Variants in CLEC1A observed in about 807,000 individuals in gnomAD.
CLEC1A encodes the protein C-type lectin-like receptor-1.
CLEC1A carries 34 observed loss-of-function variants against 28.7 expected under a neutral mutation model. That is an observed-to-expected ratio of 1.18 (90% CI 0.90 to 1.57). CLEC1A has a LOEUF of 1.57. CLEC1A is among the 40% of genes most tolerant of loss of function. The pLI is 0.00. For synonymous variants in CLEC1A, 116 were observed against 121.0 expected (o/e 0.96, Z 0.27); for missense variants, 385 against 339.5 (o/e 1.13, Z -1.05).
At chr12:10,076,408 A>T (rs1201190094) in intron 3 of CLEC1A, among the ~76,000 whole-genome samples, 1 of 152,206 alleles carries the variant, frequency 6.6e-6, no homozygotes, top group African/African-American at 2.4e-5. Flanking sequence ...TGGCTAATAC[A>T]CAGGTAGGTG....
In CLEC1A at chr12:10,081,312, G is replaced by T; in HGVS notation, c.316C>A (p.Gln106Lys). 6.2e-7 allele frequency: 1 copy of T among 1,613,110 alleles called. No individual in the cohort carries two copies. Among genetic ancestry groups the T allele is most frequent in the Non-Finnish European group, 8.5e-7 (1 of 1,179,542 alleles). Residue 106 changes from glutamine to lysine, a missense_variant, in exon 3 of 6, where the codon CAG becomes AAG. Gln to Lys is a moderately conservative substitution (Grantham distance 53). Transcript: ENST00000315330. ...AGACTTCCTGCAAGCTTTATATTCTGGACTTGAAGAGATTGCAACTCTTGG... is the reference window on the plus strand; with the variant it reads ...AGACTTCCTGCAAGCTTTATATTCTTGACTTGAAGAGATTGCAACTCTTGG... ...TSQELQSLQV[Q>K]NIKLAGSLQH...
chr12:10,096,556 C>G (rs903962558), intron 1 of CLEC1A, among the ~76,000 whole-genome samples: 3 of 152,114 alleles, frequency 2.0e-5, no homozygotes, highest in Non-Finnish European at 4.4e-5. Context: ...TTGTTTCTCC[C>G]TATCTAAATC....
At position 10,075,549 on chromosome 12, in the gene CLEC1A, A is replaced by C. The variant is rs1866233002; in HGVS notation, c.498T>G (p.Leu166=). ...TCTTCAGCATGGTAGAGTTTTCACT[A>C]AGGCAGAAATATTTACAGTCCTCCC... ...KSWEDCKYFC[L]SENSTMLKIN... is the part of the protein sequence containing the mutation. Residue 166 remains leucine (L), a synonymous_variant, in exon 4 of 6, where the codon CTT becomes CTG. Coordinates refer to ENST00000315330, the MANE Select transcript of CLEC1A (RefSeq NM_016511.4). 3.1e-6 allele frequency: 5 copies of C among 1,614,004 alleles called. No individual in the cohort carries two copies. Among genetic ancestry groups the C allele is most frequent in the Non-Finnish European group, 4.2e-6 (5 of 1,179,904 alleles).
At chr12:10,076,410 AG>A (rs1472272772) in intron 3 of CLEC1A, among the ~76,000 whole-genome samples, 2 of 152,182 alleles carry the variant, frequency 1.3e-5, no homozygotes, top group Non-Finnish European at 2.9e-5. Context: ...GCTAATACAC[AG>A]GTAGGTGTTA....
At chr12:10,092,626 A>ATAG (rs1947721932) in intron 1 of CLEC1A, 1 of 98,180 alleles carries the variant, frequency 1.0e-5, no homozygotes, top group Admixed American at 1.0e-4. Context: ...TATTGAGGAC[A>ATAG]TAGGAGTTGT....
chr12:10,094,188 C>T (rs1048586077), intron 1 of CLEC1A, among the ~76,000 whole-genome samples: 1 of 151,982 alleles, frequency 6.6e-6, no homozygotes, highest in African/African-American at 2.4e-5. Context: ...AATTCAAAAA[C>T]AACATTACCA....
At chr12:10,072,750 G>A (rs1866161109) in intron 5 of CLEC1A, among the ~76,000 whole-genome samples, 1 of 152,018 alleles carries the variant, frequency 6.6e-6, no homozygotes, top group South Asian at 2.1e-4. Context: ...CTAATGCTAT[G>A]TATCTGTCTC....
intron 2 of CLEC1A, among the ~76,000 whole-genome samples, chr12:10,087,142 T>C (rs544838823): frequency 2.1e-5 from 3 of 140,402 alleles, no homozygotes; most frequent in African/African-American, 8.0e-5. Flanking sequence ...GAGGCGAAGG[T>C]TGCAGTGAGC....
At chr12:10,097,157 T>C (rs1378309758) in intron 1 of CLEC1A, among the ~76,000 whole-genome samples, 4 of 152,256 alleles carry the variant, frequency 2.6e-5, no homozygotes, top group Admixed American at 2.6e-4. Flanking sequence ...ACTATCTTAA[T>C]TGTTTGGCAT....
At position 10,081,179 on chromosome 12, in the gene CLEC1A, G is replaced by A; in HGVS notation, c.391+58C>T. On this transcript the variant is annotated intron_variant, in intron 3 of 5. Transcript: ENST00000315330. ...ACTTGACTCTCACTTTCACCGGCGGGAAATCCATCTCTCTGTTTCCAGACA... is the reference window on the plus strand; with the variant it reads ...ACTTGACTCTCACTTTCACCGGCGGAAAATCCATCTCTCTGTTTCCAGACA... 2.1e-6 allele frequency: 3 copies of A among 1,409,914 alleles called. No individual in the cohort carries two copies. The South Asian group carries it at 4.4e-5, about 21-fold the overall frequency. 87.3% of individuals were successfully genotyped at this position (1,409,914 alleles called of 1,614,324 possible).
chr12:10,087,472 T>TTATATATATATATA (rs200437169), intron 2 of CLEC1A, among the ~76,000 whole-genome samples: 5 of 75,180 alleles, frequency 6.7e-5, no homozygotes, highest in Non-Finnish European at 8.7e-5. Flanking sequence ...TACCTCAAAG[T>TTATATATATATATA]TATATATATA....
intron 1 of CLEC1A, among the ~76,000 whole-genome samples, chr12:10,097,843 T>C (rs1001128958): frequency 3.0e-5 from 4 of 132,584 alleles, no homozygotes; most frequent in Non-Finnish European, 4.7e-5. Flanking sequence ...ATCCCTACTT[T>C]TGTCACTTAG....
chr12:10,073,215 A>G lies in CLEC1A; in HGVS notation c.662+78T>C, dbSNP rs985171511. The G allele has an allele frequency of 5.8e-6, 6 of 1,041,430 alleles. No homozygotes were observed. In the African/African-American group the frequency reaches 9.5e-5, roughly 17 times the overall value. The allele number at this position is 1,041,430 out of a possible 1,614,324, so 64.5% of individuals were successfully genotyped here. On this transcript the variant is annotated intron_variant, in intron 5 of 5. Transcript: ENST00000315330. ...CAGAAGTTTGATTAATACTTGATGG[A>G]CCAAATTCTTGAGCTCTATCACTCA...
At chr12:10,083,672 C>G (rs1835969631) in intron 2 of CLEC1A, among the ~76,000 whole-genome samples, 1 of 152,086 alleles carries the variant, frequency 6.6e-6, no homozygotes, top group Admixed American at 6.5e-5. Flanking sequence ...GGGGTTTCAC[C>G]ATGTTGGCCA....
intron 1 of CLEC1A, among the ~76,000 whole-genome samples, chr12:10,091,586 T>C (rs1301769694): frequency 6.6e-6 from 1 of 152,102 alleles, no homozygotes; most frequent in African/African-American, 2.4e-5. Context: ...TGATTTAGTC[T>C]TAGTTTTTCT....
chr12:10,094,822 T>C (rs1947755002), intron 1 of CLEC1A, among the ~76,000 whole-genome samples: 1 of 152,150 alleles, frequency 6.6e-6, no homozygotes, highest in African/African-American at 2.4e-5. Flanking sequence ...TAGGAAGAAG[T>C]TTCCCAAGGC....
chr12:10,085,686 CT>C (rs1281603547), intron 2 of CLEC1A, among the ~76,000 whole-genome samples: 2 of 151,952 alleles, frequency 1.3e-5, no homozygotes, highest in African/African-American at 2.4e-5. Flanking sequence ...ACTACTAGAC[CT>C]AAAAAAATGA....
intron 1 of CLEC1A, among the ~76,000 whole-genome samples, chr12:10,096,517 C>A (rs933928491): frequency 6.6e-6 from 1 of 152,112 alleles, no homozygotes; most frequent in South Asian, 2.1e-4. Flanking sequence ...TCCATTGCAG[C>A]CAGGAAGGTC....
In CLEC1A at chr12:10,069,772, T is replaced by G. The variant is rs1179461109; in HGVS notation, c.*1561A>C. On this transcript the variant is annotated 3_prime_UTR_variant, in exon 6 of 6. Coordinates refer to ENST00000315330, the MANE Select transcript of CLEC1A (RefSeq NM_016511.4). Reference sequence around the variant, plus strand: ...AGAACTTGCTCGACCCTGAAGAAAATTTTAAGGAAATCAACAGAAAATTGA... The same window carrying G: ...AGAACTTGCTCGACCCTGAAGAAAAGTTTAAGGAAATCAACAGAAAATTGA... 3 of 151,976 alleles carry G rather than the reference T, an allele frequency of 2.0e-5. No individual in the cohort carries two copies. The highest frequency in any genetic ancestry group is 7.2e-5 in the African/African-American group (3 of 41,428). The allele number at this position is 151,976 out of a possible 1,614,324, so 9.4% of individuals were successfully genotyped here. A position where few individuals can be genotyped will look rare whatever the true frequency, so the allele number is the denominator to read the frequency against.
Sources: allele counts gnomAD v4.1 joint callset (sites outside exome capture counted in the v4.1 genomes callset), GRCh38; gene constraint gnomAD v4.1.1; transcripts MANE v1.5; gene names NCBI Gene and HGNC (gene_info 2026-07-23, HGNC 2026-07-21).